Variants in PALM2AKAP2 observed in about 807,000 individuals in gnomAD.
The protein encoded by PALM2AKAP2 is PALM2-AKAP2 fusion protein.
In PALM2AKAP2, 37 loss-of-function variants were observed where a neutral mutation model predicts 71.5. That is an observed-to-expected ratio of 0.52 (90% CI 0.40 to 0.68). The LOEUF (loss-of-function observed/expected upper bound fraction) is 0.68. Ranked by LOEUF, PALM2AKAP2 falls within the 30% of genes least tolerant of loss-of-function variation. The pLI, the probability that PALM2AKAP2 is intolerant of heterozygous loss-of-function variation, is 0.00. For missense variants in PALM2AKAP2, 1,224 were observed against 1,191.8 expected (o/e 1.03, Z -0.40); for synonymous variants, 468 against 478.8 (o/e 0.98, Z 0.29).
intron 3 of PALM2AKAP2, among the ~76,000 whole-genome samples, chr9:110,166,548 C>T (rs867271603): frequency 6.6e-6 from 1 of 152,216 alleles, no homozygotes; most frequent in African/African-American, 2.4e-5. Flanking sequence ...TGGAAGCATG[C>T]TTTCCTCCTA....
chr9:110,051,606 G>A (rs1833711645), intron 1 of PALM2AKAP2, among the ~76,000 whole-genome samples: 1 of 152,186 alleles, frequency 6.6e-6, no homozygotes, highest in Non-Finnish European at 1.5e-5. Flanking sequence ...TTTGGATGGA[G>A]GTTGTGTTGA....
At chr9:109,946,336 T>C (rs1831504098) in intron 6 of PALM2AKAP2, 1 of 152,166 alleles carries the variant, frequency 6.6e-6, no homozygotes, top group Non-Finnish European at 1.5e-5. Context: ...GAATCAGTAA[T>C]GAAATTGCAA....
chr9:109,700,515 C>T (rs1453056512), intron 1 of PALM2AKAP2, among the ~76,000 whole-genome samples: 1 of 152,138 alleles, frequency 6.6e-6, no homozygotes, highest in African/African-American at 2.4e-5. Flanking sequence ...ACTAATACAG[C>T]ACTCAATCCA....
chr9:109,660,080 C>T (rs1301153490), intron 1 of PALM2AKAP2, among the ~76,000 whole-genome samples: 5 of 152,138 alleles, frequency 3.3e-5, no homozygotes, highest in African/African-American at 1.2e-4. Flanking sequence ...GGAGTCCTCC[C>T]ATGTTGGCCT....
rs187476681 is a variant in PALM2AKAP2, at chr9:109,751,335, C to T, written c.6-29153C>T. ...TTTACATTGAAACCAGATGCCTGCT[C>T]CACAGACAGCCCCCGTTTCTGTTGA... On this transcript the variant is annotated intron_variant, in intron 1 of 6. Transcript: ENST00000374531. Among the ~76,000 whole-genome samples the T allele has an allele frequency of 1.8e-4, 27 of 152,266 alleles. No homozygotes were observed. In the East Asian group the frequency reaches 4.2e-3, roughly 24 times the overall value.
intron 1 of PALM2AKAP2, among the ~76,000 whole-genome samples, chr9:109,769,917 G>A (rs73531250): frequency 0.079 from 12,094 of 152,128 alleles, 1,475 homozygotes; most frequent in African/African-American, 0.26. Flanking sequence ...CGGGGAGATC[G>A]GGTGAAGGCT....
intron 7 of PALM2AKAP2, among the ~76,000 whole-genome samples, chr9:110,018,744 A>T (rs1278210823): frequency 6.6e-6 from 1 of 152,236 alleles, no homozygotes; most frequent in Non-Finnish European, 1.5e-5. Context: ...CTAGGTGGAT[A>T]TAACTACAGA....
rs185214939 is a variant in PALM2AKAP2, at chr9:109,840,128, T to C, written c.46-27363T>C. Among the ~76,000 whole-genome samples, 389 of 152,216 alleles carry C rather than the reference T, an allele frequency of 2.6e-3. 4 individuals are homozygous for C. Among genetic ancestry groups the C allele is most frequent in the African/African-American group, 8.8e-3 (364 of 41,548 alleles). On this transcript the variant is annotated intron_variant, in intron 1 of 9. Coordinates refer to the PALM2AKAP2 transcript ENST00000302798. ...GACTTCAAACTATACTACAAGGCTA[T>C]AGTAACCAAAACAGCAATGGTACTG...
At chr9:110,168,611 T>C in exon 4 of PALM2AKAP2, 1 of 1,254,808 alleles carries the variant, frequency 8.0e-7, no homozygotes, top group Non-Finnish European at 1.1e-6. Context: ...AACTCAGCAA[T>C]CCTTATGTAG....
chr9:109,991,375 T>G (rs2132238141), intron 6 of PALM2AKAP2, among the ~76,000 whole-genome samples: 1 of 152,138 alleles, frequency 6.6e-6, no homozygotes, highest in Non-Finnish European at 1.5e-5. Flanking sequence ...TAGCTGGGAC[T>G]ACAGGCAAGC....
At chr9:110,049,088 A>G (rs2132494310) in intron 1 of PALM2AKAP2, among the ~76,000 whole-genome samples, 1 of 152,326 alleles carries the variant, frequency 6.6e-6, no homozygotes, top group East Asian at 1.9e-4. Flanking sequence ...TGGGAGGGCC[A>G]AGCCTTTGGC....
intron 6 of PALM2AKAP2, among the ~76,000 whole-genome samples, chr9:110,003,357 C>T (rs62580198): frequency 6.6e-6 from 1 of 152,138 alleles, no homozygotes; most frequent in Non-Finnish European, 1.5e-5. Context: ...TGAGTTTCTT[C>T]ATCCTGAGTT....
chr9:109,713,994 CTT>C (rs1213441191), intron 1 of PALM2AKAP2, among the ~76,000 whole-genome samples: 2 of 152,174 alleles, frequency 1.3e-5, no homozygotes, highest in African/African-American at 4.8e-5. Context: ...TATGGACACT[CTT>C]TGTACTTTCT....
intron 6 of PALM2AKAP2, among the ~76,000 whole-genome samples, chr9:109,988,029 G>C (rs1832411945): frequency 6.6e-6 from 1 of 152,192 alleles, no homozygotes; most frequent in Non-Finnish European, 1.5e-5. Flanking sequence ...AATTTAGTAT[G>C]GGTTCTGTTC....
chr9:109,797,268 A>G (rs73531300), intron 1 of PALM2AKAP2, among the ~76,000 whole-genome samples: 2 of 152,022 alleles, frequency 1.3e-5, no homozygotes, highest in African/African-American at 4.8e-5. Context: ...GCTTGGGGTT[A>G]CCCTGAGCTT....
chr9:110,048,102 C>T (rs1006348902), upstream of PALM2AKAP2, among the ~76,000 whole-genome samples: 2 of 152,186 alleles, frequency 1.3e-5, no homozygotes, highest in African/African-American at 2.4e-5. Flanking sequence ...TGAACCCCAT[C>T]GGGGGAGTCC....
At chr9:109,903,840 T>C (rs1830383682) in intron 3 of PALM2AKAP2, among the ~76,000 whole-genome samples, 1 of 152,092 alleles carries the variant, frequency 6.6e-6, no homozygotes, top group Non-Finnish European at 1.5e-5. Context: ...ATACACAATC[T>C]TAACTTTTAC....
chr9:110,114,855 G>A (rs746775823), intron 1 of PALM2AKAP2, among the ~76,000 whole-genome samples: 9 of 152,102 alleles, frequency 5.9e-5, no homozygotes, highest in African/African-American at 2.2e-4. Flanking sequence ...TCAACCATCC[G>A]GCTGTGCTCC....
chr9:109,768,680 C>T (rs1229945720), intron 1 of PALM2AKAP2, among the ~76,000 whole-genome samples: 1 of 152,234 alleles, frequency 6.6e-6, no homozygotes, highest in Admixed American at 6.5e-5. Flanking sequence ...ACTGGAAGCA[C>T]TCTGTGCCTC....
Sources: allele counts gnomAD v4.1 joint callset (sites outside exome capture counted in the v4.1 genomes callset), GRCh38; gene constraint gnomAD v4.1.1; transcripts MANE v1.5; gene names NCBI Gene and HGNC (gene_info 2026-07-23, HGNC 2026-07-21).